ASPSCR1: variants seen among roughly 807,000 people sequenced by gnomAD.
ASPSCR1 encodes the protein ASPSCR1 tether for SLC2A4, UBX domain containing.
ASPSCR1 carries 55 observed loss-of-function variants against 68.9 expected under a neutral mutation model. That is an observed-to-expected ratio of 0.80 (90% CI 0.64 to 1.00). ASPSCR1 has a LOEUF of 1.00. ASPSCR1 is among the 50% of genes least tolerant of loss of function. The pLI is 0.00. For missense variants in ASPSCR1, 765 were observed against 762.2 expected (o/e 1.00, Z -0.04); for synonymous variants, 352 against 332.6 (o/e 1.06, Z -0.63).
At chr17:81,997,837 T>C (rs2042404095) in intron 7 of ASPSCR1, among the ~76,000 whole-genome samples, 2 of 149,788 alleles carry the variant, frequency 1.3e-5, no homozygotes, top group African/African-American at 4.9e-5. Context: ...ACTTTTTTTT[T>C]TTTTTTGAGA....
chr17:81,997,194 G>A (rs1044232814), intron 7 of ASPSCR1, among the ~76,000 whole-genome samples: 1 of 152,202 alleles, frequency 6.6e-6, no homozygotes, highest in Admixed American at 6.5e-5. Context: ...TGTTGGCTCC[G>A]TGATGTGTGG....
chr17:82,001,985 C>CT (rs1247927914), intron 7 of ASPSCR1, among the ~76,000 whole-genome samples: 10 of 135,716 alleles, frequency 7.4e-5, no homozygotes, highest in Admixed American at 1.5e-4. Flanking sequence ...TTTTTCTTTT[C>CT]TTTTTTTTTT....
chr17:82,014,017 T>C (rs895855454), intron 12 of ASPSCR1: 1 of 152,382 alleles, frequency 6.6e-6, no homozygotes, highest in East Asian at 1.9e-4. Context: ...TTCCTTCCAT[T>C]GGCTTTGGCA....
At chr17:81,995,393 C>T (rs964865764) in intron 5 of ASPSCR1, 12 of 226,016 alleles carry the variant, frequency 5.3e-5, no homozygotes, top group Middle Eastern at 1.4e-3. Flanking sequence ...TTCAGGTCTA[C>T]GTCCTCCCTT....
At chr17:81,992,971 G>A (rs1190880595) in intron 4 of ASPSCR1, among the ~76,000 whole-genome samples, 7 of 152,202 alleles carry the variant, frequency 4.6e-5, no homozygotes, top group Admixed American at 1.3e-4. Context: ...GACCCTGTGG[G>A]GCCTCTGCAG....
In ASPSCR1 at chr17:81,996,333, G is replaced by T. The variant is rs977535450; in HGVS notation, c.507-87G>T. ...CGGGGGCGGGAGAGGGTGAGCCGGG[G>T]GCGGGAGAGGGTGAGCCTGGGCCGG... On this transcript the variant is annotated intron_variant, in intron 6 of 15. Coordinates refer to ENST00000306739, the MANE Select transcript of ASPSCR1 (RefSeq NM_024083.4). 5 of 1,508,752 alleles carry T rather than the reference G, an allele frequency of 3.3e-6. No homozygotes were observed. The African/African-American group carries it at 4.2e-5, about 13-fold the overall frequency. 93.5% of individuals were successfully genotyped at this position (1,508,752 alleles called of 1,614,324 possible).
intron 7 of ASPSCR1, among the ~76,000 whole-genome samples, chr17:81,998,010 A>G (rs954152340): frequency 6.7e-6 from 1 of 150,256 alleles, no homozygotes; most frequent in African/African-American, 2.5e-5. Flanking sequence ...TATTTTTAGT[A>G]GAGACGGGGT....
intron 2 of ASPSCR1, among the ~76,000 whole-genome samples, chr17:81,980,413 G>A (rs1273582292): frequency 1.3e-5 from 2 of 152,234 alleles, no homozygotes; most frequent in Non-Finnish European, 2.9e-5. Context: ...TACCTGCCAA[G>A]TCATTCCAGT....
intron 12 of ASPSCR1, chr17:82,014,721 G>A: frequency 3.0e-6 from 1 of 329,286 alleles, no homozygotes; most frequent in Non-Finnish European, 5.7e-6. Flanking sequence ...ACGTGTGCAT[G>A]CAGCCCCTAC....
chr17:82,015,325 A>T (rs1205423743), intron 12 of ASPSCR1: 18 of 1,597,946 alleles, frequency 1.1e-5, no homozygotes, highest in Non-Finnish European at 1.5e-5. Flanking sequence ...TCCCGAGTCA[A>T]GGCTGGGCAC....
chr17:82,015,584 C>T (rs545639755), intron 12 of ASPSCR1: 142 of 613,096 alleles, frequency 2.3e-4, no homozygotes, highest in African/African-American at 1.4e-3. Flanking sequence ...CCCTCTCGCC[C>T]GGCAGCAGGT....
intron 7 of ASPSCR1, chr17:82,004,913 T>TC (rs2042660400): frequency 6.6e-6 from 1 of 152,208 alleles, no homozygotes; most frequent in African/African-American, 2.4e-5. Flanking sequence ...CAGAGAAGGT[T>TC]CTGGGCTCCA....
rs182621593 is a variant in ASPSCR1, at chr17:81,989,036, C to T, written c.374+3429C>T. ...CAGCCTGGCCAACATGGTGAAACCC[C>T]GTCTCTACTAAAAATACAAAAAGCA... is the stretch of plus-strand genomic sequence containing the variant. On this transcript the variant is annotated intron_variant, in intron 4 of 15. Coordinates refer to ENST00000306739, the MANE Select transcript of ASPSCR1 (RefSeq NM_024083.4). Among the ~76,000 whole-genome samples the T allele has an allele frequency of 1.6e-4, 25 of 152,040 alleles. No homozygotes were observed. The East Asian group carries it at 2.9e-3, about 18-fold the overall frequency.
chr17:81,985,184 A>G (rs1264886031), intron 3 of ASPSCR1, among the ~76,000 whole-genome samples: 1 of 144,668 alleles, frequency 6.9e-6, no homozygotes, highest in Non-Finnish European at 1.5e-5. Context: ...CCACACACCA[A>G]CATGCACACA....
At chr17:82,017,275 G>T in intron 15 of ASPSCR1, 34 bp from the exon 16 acceptor site, 1 of 1,610,126 alleles carries the variant, frequency 6.2e-7, no homozygotes, top group Non-Finnish European at 8.5e-7. Context: ...GAGAGCCCGG[G>T]GTGTGTGGTC....
chr17:81,990,201 A>G lies in ASPSCR1; in HGVS notation c.374+4594A>G, dbSNP rs911150700. Reference sequence around the variant, plus strand: ...CTTCCTGGACACGTAGTCAGTAGAAAAGTGAGCCGTCTCATGCTCTTGTTG... The same window carrying G: ...CTTCCTGGACACGTAGTCAGTAGAAGAGTGAGCCGTCTCATGCTCTTGTTG... On this transcript the variant is annotated intron_variant, in intron 4 of 15. Coordinates refer to ENST00000306739, the MANE Select transcript of ASPSCR1 (RefSeq NM_024083.4). The surrounding 1 kb of genome is among the most constrained non-coding windows in gnomAD (Gnocchi z 4.1). 1.3e-5 allele frequency among the ~76,000 whole-genome samples: 2 copies of G among 152,234 alleles called. No homozygotes were observed. Among genetic ancestry groups the G allele is most frequent in the Non-Finnish European group, 2.9e-5 (2 of 68,034 alleles).
intron 1 of ASPSCR1, chr17:81,978,918 G>A (rs1183216928): frequency 2.4e-5 from 13 of 550,120 alleles, no homozygotes; most frequent in African/African-American, 9.5e-5. Context: ...GAAGATGCCC[G>A]TGTTGCTGTA....
In ASPSCR1 at chr17:81,997,888, G is replaced by A. The variant is rs573351390; in HGVS notation, c.933+1042G>A. Among the ~76,000 whole-genome samples, 218 of 145,322 alleles carry A rather than the reference G, an allele frequency of 1.5e-3. 1 individual carries two copies. Among genetic ancestry groups the A allele is most frequent in the African/African-American group, 5.4e-3 (211 of 38,718 alleles). ...GTCGCCCAGGCTGGAGTGTGGTGGC[G>A]CACTTTCGGCTCACTGTAACCTCCA... On this transcript the variant is annotated intron_variant, in intron 7 of 15. Coordinates refer to ENST00000306739, the MANE Select transcript of ASPSCR1 (RefSeq NM_024083.4).
chr17:81,985,004 A>G (rs1598389916), intron 3 of ASPSCR1, among the ~76,000 whole-genome samples: 1 of 73,206 alleles, frequency 1.4e-5, no homozygotes, highest in Non-Finnish European at 2.6e-5. Flanking sequence ...ACCCCCCCAC[A>G]CACCTGCACA....
Sources: allele counts gnomAD v4.1 joint callset (sites outside exome capture counted in the v4.1 genomes callset), GRCh38; gene constraint gnomAD v4.1.1; non-coding constraint Gnocchi (gnomAD v3.1); transcripts MANE v1.5; gene names NCBI Gene and HGNC (gene_info 2026-07-23, HGNC 2026-07-21).